The following CD96 variants were observed in gnomAD, a reference collection of about 807,000 sequenced individuals.
CD96 encodes T-cell surface protein tactile.
Under a neutral mutation model 71.3 loss-of-function variants are expected in CD96, and 70 were observed. The ratio of observed to expected loss-of-function variants is 0.98; its 90% confidence interval spans 0.81 to 1.20. The LOEUF is 1.20. CD96 is among the 50% of genes most tolerant of loss of function. The probability of loss-of-function intolerance (pLI) is 0.00; values close to 1 mark genes in which losing one functional copy is unlikely to be tolerated. For synonymous variants in CD96, 248 were observed against 233.0 expected (o/e 1.06, Z -0.59); for missense variants, 742 against 677.5 (o/e 1.10, Z -1.06).
chr3:111,586,054 G>A (rs1238572613), intron 5 of CD96, among the ~76,000 whole-genome samples: 3 of 151,924 alleles, frequency 2.0e-5, no homozygotes, highest in African/African-American at 4.8e-5. Context: ...AATAATAATA[G>A]TATCTTCACA....
chr3:111,605,051 A>G (rs1227345272), intron 7 of CD96, among the ~76,000 whole-genome samples: 1 of 152,236 alleles, frequency 6.6e-6, no homozygotes, highest in Non-Finnish European at 1.5e-5. Context: ...GATAATGCTT[A>G]TGATCCACCA....
chr3:111,619,867 T>A (rs1938435603), intron 8 of CD96, among the ~76,000 whole-genome samples: 1 of 152,262 alleles, frequency 6.6e-6, no homozygotes, highest in African/African-American at 2.4e-5. Flanking sequence ...GCAGTGTTGC[T>A]GCACACTGTG....
At chr3:111,581,918 G>C (rs1472979155) in intron 4 of CD96, among the ~76,000 whole-genome samples, 1 of 152,190 alleles carries the variant, frequency 6.6e-6, no homozygotes, top group East Asian at 1.9e-4. Context: ...GAGTGAGAAA[G>C]TGAGTCAGGG....
At chr3:111,610,580 T>G (rs947074800) in intron 8 of CD96, among the ~76,000 whole-genome samples, 2 of 152,232 alleles carry the variant, frequency 1.3e-5, no homozygotes, top group African/African-American at 4.8e-5. Context: ...GGAGGAGAAC[T>G]TAATAACTCA....
intron 8 of CD96, among the ~76,000 whole-genome samples, chr3:111,613,498 G>A (rs1202644525): frequency 6.6e-6 from 1 of 152,210 alleles, no homozygotes; most frequent in African/African-American, 2.4e-5. Flanking sequence ...CAGTGCCCAC[G>A]TTATCCTGAC....
intron 3 of CD96, chr3:111,577,455 T>C: frequency 2.2e-6 from 3 of 1,349,046 alleles, no homozygotes; most frequent in Non-Finnish European, 2.1e-6. Flanking sequence ...GGATCCTATC[T>C]CTGTAATACA....
chr3:111,605,450 C>T (rs1442261272), intron 7 of CD96, among the ~76,000 whole-genome samples: 2 of 152,130 alleles, frequency 1.3e-5, no homozygotes, highest in East Asian at 3.9e-4. Context: ...TGATAAGCAA[C>T]ATCAGGAAAT....
At chr3:111,553,370 T>A (rs760756050) in intron 2 of CD96, among the ~76,000 whole-genome samples, 6 of 151,764 alleles carry the variant, frequency 4.0e-5, no homozygotes, top group Non-Finnish European at 8.8e-5. Flanking sequence ...ATAGTTAGAC[T>A]TATAAACTCT....
At chr3:111,577,350 C>T in intron 3 of CD96, 1 of 744,948 alleles carries the variant, frequency 1.3e-6, no homozygotes, top group South Asian at 1.4e-5. Context: ...GGGTACCTGC[C>T]TTCTTAATTA....
chr3:111,625,253 A>G (rs1938694463), intron 10 of CD96, among the ~76,000 whole-genome samples: 1 of 152,182 alleles, frequency 6.6e-6, no homozygotes, highest in South Asian at 2.1e-4. Flanking sequence ...TTGTTTATTT[A>G]TTTTATCTTT....
At chr3:111,554,633 C>G (rs1320538515) in intron 2 of CD96, among the ~76,000 whole-genome samples, 1 of 151,870 alleles carries the variant, frequency 6.6e-6, no homozygotes, top group Non-Finnish European at 1.5e-5. Context: ...CTCAACAGTT[C>G]AGTGTTAAAT....
chr3:111,598,312 G>T, intron 6 of CD96, 102 bp downstream of exon 6: 1 of 735,068 alleles, frequency 1.4e-6, no homozygotes. Context: ...ATTTAAGAAT[G>T]ATTCTCATTC....
At chr3:111,611,058 G>T (rs1012937500) in intron 8 of CD96, among the ~76,000 whole-genome samples, 2 of 152,106 alleles carry the variant, frequency 1.3e-5, no homozygotes, top group Non-Finnish European at 2.9e-5. Context: ...CTGTTTTACT[G>T]CCCATCAGTC....
chr3:111,569,878 C>T (rs1283247495), intron 3 of CD96, among the ~76,000 whole-genome samples: 1 of 152,192 alleles, frequency 6.6e-6, no homozygotes, highest in African/African-American at 2.4e-5. Flanking sequence ...CACTTTCCTC[C>T]GAAGGGGGAC....
chr3:111,597,318 A>G (rs1011878364), intron 5 of CD96, among the ~76,000 whole-genome samples: 1 of 152,242 alleles, frequency 6.6e-6, no homozygotes, highest in African/African-American at 2.4e-5. Flanking sequence ...AGAAAGTATC[A>G]TCCCCCAAAG....
chr3:111,658,514 GA>G (rs893791211), intron 14 of CD96, among the ~76,000 whole-genome samples: 4 of 152,196 alleles, frequency 2.6e-5, no homozygotes, highest in African/African-American at 9.6e-5. Context: ...CTAAGTTGAG[GA>G]AATTTTGATG....
At chr3:111,625,181 G>A (rs1306011025) in intron 10 of CD96, among the ~76,000 whole-genome samples, 1 of 152,144 alleles carries the variant, frequency 6.6e-6, no homozygotes, top group Non-Finnish European at 1.5e-5. Flanking sequence ...CTCATTCCTG[G>A]GAACTTGTCC....
In CD96 at chr3:111,663,717, T is replaced by C. The variant is rs150410242; in HGVS notation, c.*53-1810T>C. On this transcript the variant is annotated intron_variant and NMD_transcript_variant, in intron 14 of 14. Transcript: ENST00000494798. ...TTATTAAAAAGTCAAAAAACAGATG[T>C]TGGCAAGGTTGTGAAGAAAAGAAAT... is the stretch of plus-strand genomic sequence containing the variant. Among the ~76,000 whole-genome samples, 1,123 of 150,898 alleles carry C rather than the reference T, an allele frequency of 7.4e-3. 16 individuals are homozygous for C. Among genetic ancestry groups the C allele is most frequent in the African/African-American group, 0.026 (1,079 of 41,310 alleles).
At chr3:111,574,225 C>G (rs980819585) in intron 3 of CD96, among the ~76,000 whole-genome samples, 1 of 152,166 alleles carries the variant, frequency 6.6e-6, no homozygotes, top group African/African-American at 2.4e-5. Context: ...GATGAAATAT[C>G]ATCACTAAAT....
Sources: allele counts gnomAD v4.1 joint callset (sites outside exome capture counted in the v4.1 genomes callset), GRCh38; gene constraint gnomAD v4.1.1; transcripts MANE v1.5; gene names NCBI Gene and HGNC (gene_info 2026-07-23, HGNC 2026-07-21).